Variants in WWP1 observed in about 807,000 individuals in gnomAD.
WWP1 encodes the protein NEDD4-like E3 ubiquitin-protein ligase WWP1.
In WWP1, 49 loss-of-function variants were observed where a neutral mutation model predicts 130.6. The ratio of observed to expected loss-of-function variants is 0.38; its 90% confidence interval spans 0.30 to 0.48. The LOEUF (loss-of-function observed/expected upper bound fraction) is 0.48, where lower values mean the gene tolerates loss of function less well. Among genes scored for constraint, WWP1 ranks in the 20% least tolerant of loss-of-function variants. The pLI is 0.99. For missense variants in WWP1, 809 were observed against 1,100.6 expected, an observed-to-expected ratio of 0.74 and a Z score of 3.75; for synonymous variants, 332 against 367.8, an observed-to-expected ratio of 0.90 and a Z score of 1.11.
intron 17 of WWP1, among the ~76,000 whole-genome samples, chr8:86,439,651 T>C (rs980812520): frequency 6.6e-6 from 1 of 152,234 alleles, no homozygotes; most frequent in African/African-American, 2.4e-5. Flanking sequence ...TGAGTCTCTT[T>C]TGGGAATAAA....
intron 1 of WWP1, among the ~76,000 whole-genome samples, chr8:86,343,849 G>C (rs1312451550): frequency 1.3e-5 from 2 of 151,920 alleles, no homozygotes; most frequent in African/African-American, 4.8e-5. Flanking sequence ...TTGTGTTTCT[G>C]CTTTAAAATG....
chr8:86,353,658 T>G (rs1823081918), intron 1 of WWP1, among the ~76,000 whole-genome samples: 1 of 152,088 alleles, frequency 6.6e-6, no homozygotes, highest in South Asian at 2.1e-4. Flanking sequence ...TGCTGGCTAA[T>G]TTTTGTAGAG....
intron 18 of WWP1, among the ~76,000 whole-genome samples, chr8:86,446,307 A>G (rs1442228041): frequency 1.3e-5 from 2 of 151,928 alleles, no homozygotes; most frequent in African/African-American, 4.8e-5. Context: ...TCTTTTGAGA[A>G]GTGTCTGTTT....
intron 9 of WWP1, among the ~76,000 whole-genome samples, chr8:86,415,515 A>G (rs1808840622): frequency 1.3e-5 from 2 of 152,190 alleles, no homozygotes; most frequent in South Asian, 4.1e-4. Flanking sequence ...GGAATTCAAT[A>G]TGTTTTAAAA....
chr8:86,420,336 G>A (rs1809132740), intron 9 of WWP1, among the ~76,000 whole-genome samples: 1 of 152,180 alleles, frequency 6.6e-6, no homozygotes, highest in African/African-American at 2.4e-5. Context: ...TAAGAATGTA[G>A]ACAATAAGCA....
rs78781370 is a variant in WWP1 at position 86,352,691 on chromosome 8, A to G, written c.-115+9761A>G. Among the ~76,000 whole-genome samples, 811 of 152,260 alleles carry G rather than the reference A, an allele frequency of 5.3e-3. 31 individuals are homozygous for G. The East Asian group carries it at 0.084, about 16-fold the overall frequency. On this transcript the variant is annotated intron_variant, in intron 1 of 24. Transcript: ENST00000517970. ...GCCCTCAAGTATTCTTTAAGTACACATGTGTAATGTAAATACAAAGAGAGC... is the reference window on the plus strand; with the variant it reads ...GCCCTCAAGTATTCTTTAAGTACACGTGTGTAATGTAAATACAAAGAGAGC...
chr8:86,431,183 CTATAA>C (rs1464155248), intron 12 of WWP1, among the ~76,000 whole-genome samples: 9 of 136,458 alleles, frequency 6.6e-5, no homozygotes, highest in African/African-American at 1.1e-4. Context: ...ACATAATTAT[CTATAA>C]TATAATATAT....
chr8:86,440,228 C>T (rs1406382086), intron 17 of WWP1, among the ~76,000 whole-genome samples: 1 of 152,086 alleles, frequency 6.6e-6, no homozygotes, highest in African/African-American at 2.4e-5. Flanking sequence ...CTATTTGGGT[C>T]TAAGTTTTAT....
At chr8:86,401,871 T>C in intron 7 of WWP1, 148 bp from the exon 8 acceptor site, 2 of 738,202 alleles carry the variant, frequency 2.7e-6, no homozygotes, top group Non-Finnish European at 2.0e-6. Flanking sequence ...ACATAAAAAC[T>C]CAATTGTTTG....
chr8:86,380,805 T>C lies in WWP1; in HGVS notation c.150T>C (p.Ile50=), dbSNP rs759833865. The C allele has an allele frequency of 6.2e-7, 1 of 1,613,440 alleles. No individual in the cohort carries two copies. Reference sequence around the variant, plus strand: ...CAGAAGTAGTTGTAGATGGAGAAATTACGAAAACAGCAAAATCCAGTAGTT... The same window carrying C: ...CAGAAGTAGTTGTAGATGGAGAAATCACGAAAACAGCAAAATCCAGTAGTT... The part of the protein sequence containing the change: ...IYTEVVVDGE[I]TKTAKSSSSS... The change falls in exon 4 of 25, where the codon ATT becomes ATC. Residue 50 remains isoleucine (I), a synonymous_variant. Transcript: ENST00000517970.
chr8:86,349,206 A>G (rs1457496634), intron 1 of WWP1, among the ~76,000 whole-genome samples: 1 of 152,024 alleles, frequency 6.6e-6, no homozygotes, highest in Non-Finnish European at 1.5e-5. Context: ...ATTAGTAGAG[A>G]TGGGGTTTCA....
At position 86,375,501 on chromosome 8, in the gene WWP1, A is replaced by G. The variant is rs117864771; in HGVS notation, c.70+1381A>G. 4.6e-3 allele frequency among the ~76,000 whole-genome samples: 696 copies of G among 152,252 alleles called. 4 individuals carry two copies. Among genetic ancestry groups the G allele is most frequent in the Admixed American group, 6.6e-3 (101 of 15,294 alleles). ...TGAAAATATAAGCAGATACATGTGC[A>G]GTATACGTATCTCATCTCTCCTCTT... On this transcript the variant is annotated intron_variant, in intron 3 of 24. Coordinates refer to ENST00000517970, the MANE Select transcript of WWP1 (RefSeq NM_007013.4).
intron 9 of WWP1, chr8:86,417,411 A>G (rs373424950): frequency 1.3e-4 from 20 of 152,350 alleles, no homozygotes; most frequent in African/African-American, 4.8e-4. Flanking sequence ...TGCATTCTAG[A>G]AAATGCACTT....
intron 2 of WWP1, among the ~76,000 whole-genome samples, 200 bp downstream of exon 2, chr8:86,369,231 C>T (rs1482213522): frequency 6.6e-6 from 1 of 152,142 alleles, no homozygotes; most frequent in African/African-American, 2.4e-5. Context: ...TACTGTAATG[C>T]TCAGATGGGA....
intron 1 of WWP1, among the ~76,000 whole-genome samples, chr8:86,346,548 T>C (rs985738436): frequency 3.2e-4 from 49 of 152,198 alleles, no homozygotes; most frequent in African/African-American, 1.0e-3. Context: ...TCAATTTTTT[T>C]TGGGTGGATT....
intron 1 of WWP1, among the ~76,000 whole-genome samples, chr8:86,343,583 T>C (rs13262672): frequency 0.27 from 40,592 of 151,988 alleles, 6,307 homozygotes; most frequent in East Asian, 0.54. Flanking sequence ...TGTAGTTTGC[T>C]CCTTACCTTT....
intron 3 of WWP1, 88 bp from the exon 4 acceptor site, chr8:86,380,635 CAAG>C (rs1337631156): frequency 7.4e-7 from 1 of 1,358,528 alleles, no homozygotes; most frequent in Non-Finnish European, 9.7e-7. Flanking sequence ...TCTAGTTGCA[CAAG>C]AAGCACAATT....
intron 9 of WWP1, among the ~76,000 whole-genome samples, chr8:86,424,777 C>T (rs984455527): frequency 1.1e-4 from 15 of 142,164 alleles, no homozygotes; most frequent in African/African-American, 3.4e-4. Flanking sequence ...TTCGGCTTGG[C>T]ATCAGAGGGA....
At position 86,381,468 on chromosome 8, in the gene WWP1, T is replaced by A. The variant is rs1482687511; in HGVS notation, c.210-37T>A. On this transcript the variant is annotated intron_variant, in intron 4 of 24. Coordinates refer to ENST00000517970, the MANE Select transcript of WWP1 (RefSeq NM_007013.4). ...TACTTATTAATAGAATGACAACGTC[T>A]ACTCCTGTATTTTTGTTAATAATTT... 9 of 1,587,740 alleles carry A rather than the reference T, an allele frequency of 5.7e-6. No homozygotes were observed. In the African/African-American group the frequency reaches 8.2e-5, roughly 14 times the overall value.
Sources: allele counts gnomAD v4.1 joint callset (sites outside exome capture counted in the v4.1 genomes callset), GRCh38; gene constraint gnomAD v4.1.1; transcripts MANE v1.5; gene names NCBI Gene and HGNC (gene_info 2026-07-23, HGNC 2026-07-21).